The following NUCB1 variants were observed in gnomAD, a reference collection of about 807,000 sequenced individuals.
The protein encoded by NUCB1 is nucleobindin-1.
In NUCB1, 47 loss-of-function variants were observed where a neutral mutation model predicts 61.2. The observed-to-expected ratio is 0.77, with a 90% confidence interval of 0.61 to 0.98. The LOEUF is 0.98. Among genes scored for constraint, NUCB1 ranks in the 50% least tolerant of loss-of-function variants. The pLI is 0.00. For synonymous variants in NUCB1, 234 were observed against 243.1 expected, an observed-to-expected ratio of 0.96 and a Z score of 0.35; for missense variants, 583 against 605.3, an observed-to-expected ratio of 0.96 and a Z score of 0.39.
At chr19:48,911,830 G>T (rs368523646) in intron 5 of NUCB1, among the ~76,000 whole-genome samples, 2 of 151,876 alleles carry the variant, frequency 1.3e-5, no homozygotes, top group South Asian at 4.2e-4. Context: ...TTGGGAGTGT[G>T]GGGGGAGTAT....
At chr19:48,901,159 GT>G (rs1417454156) in intron 2 of NUCB1, 4 of 612,438 alleles carry the variant, frequency 6.5e-6, no homozygotes, top group Admixed American at 3.0e-5. Context: ...CTAAACGTCT[GT>G]TTTTTTAAGA....
At chr19:48,902,051 G>A (rs1433350383) in intron 2 of NUCB1, among the ~76,000 whole-genome samples, 1 of 152,198 alleles carries the variant, frequency 6.6e-6, no homozygotes, top group African/African-American at 2.4e-5. Context: ...CTGGGAGATG[G>A]AAGACAAAGG....
At chr19:48,921,098 A>C in intron 10 of NUCB1, 56 bp from the exon 11 acceptor site, 1 of 1,537,126 alleles carries the variant, frequency 6.5e-7, no homozygotes, top group South Asian at 1.2e-5. Context: ...CCTCTCCAAC[A>C]TGGGTGGGCC....
At chr19:48,905,997 C>A in intron 4 of NUCB1, 112 bp downstream of exon 4, 1 of 1,115,160 alleles carries the variant, frequency 9.0e-7, no homozygotes, top group Non-Finnish European at 1.3e-6. Flanking sequence ...CTCCCCGCTG[C>A]GAAATGTGCT....
intron 1 of NUCB1, 147 bp downstream of exon 1, chr19:48,900,519 C>G (rs1296892236): frequency 3.7e-6 from 2 of 536,632 alleles, no homozygotes; most frequent in Non-Finnish European, 3.3e-6. Context: ...ACTCTTGGGT[C>G]TGGGGGAGGA....
intron 5 of NUCB1, 135 bp from the exon 6 acceptor site, chr19:48,912,876 A>C: frequency 6.5e-6 from 3 of 462,664 alleles, no homozygotes; most frequent in East Asian, 3.6e-5. Flanking sequence ...ACATTAGGAC[A>C]CGAGACGTAA....
chr19:48,910,216 A>G (rs2037456671), intron 4 of NUCB1, among the ~76,000 whole-genome samples: 1 of 151,834 alleles, frequency 6.6e-6, no homozygotes, highest in Non-Finnish European at 1.5e-5. Flanking sequence ...AGCTGGGGCT[A>G]CAGGTGCGCA....
At chr19:48,914,637 C>T (rs975856638) in intron 7 of NUCB1, among the ~76,000 whole-genome samples, 6 of 152,106 alleles carry the variant, frequency 3.9e-5, no homozygotes, top group African/African-American at 1.2e-4. Context: ...ATTAAATTAA[C>T]GTACCATTGA....
intron 4 of NUCB1, among the ~76,000 whole-genome samples, chr19:48,908,662 TGTG>T (rs1568584809): frequency 7.0e-6 from 1 of 142,926 alleles, no homozygotes; most frequent in African/African-American, 2.6e-5. Flanking sequence ...TGTGTGTGTG[TGTG>T]TGTGTGTGTG....
chr19:48,901,010 C>T (rs762932566), intron 2 of NUCB1, 79 bp downstream of exon 2: 4 of 1,551,178 alleles, frequency 2.6e-6, no homozygotes, highest in East Asian at 2.3e-5. Context: ...GCCCGTAGGG[C>T]GGATGCTCCA....
intron 4 of NUCB1, 76 bp downstream of exon 4, chr19:48,905,961 TTG>T: frequency 2.1e-6 from 3 of 1,425,340 alleles, no homozygotes; most frequent in Non-Finnish European, 2.9e-6. Flanking sequence ...CTCCAGGTGG[TTG>T]TGTGCTAGGC....
chr19:48,905,909 GACAGGCA>G, intron 4 of NUCB1, 24 bp downstream of exon 4: 2 of 496,802 alleles, frequency 4.0e-6, no homozygotes, highest in Non-Finnish European at 7.9e-6. Context: ...GGGCGGGAGG[GACAGGCA>G]GGGAGGGGTG....
intron 7 of NUCB1, among the ~76,000 whole-genome samples, chr19:48,914,476 A>G (rs1002953547): frequency 6.6e-6 from 1 of 152,110 alleles, no homozygotes; most frequent in African/African-American, 2.4e-5. Flanking sequence ...CTAAGGACCA[A>G]GCTTTGTCAA....
chr19:48,904,319 G>C lies in NUCB1; in HGVS notation c.136-28G>C, dbSNP rs370211574. 4.7e-5 allele frequency: 68 copies of C among 1,460,558 alleles called. No individual in the cohort carries two copies. The Admixed American group carries it at 4.9e-4, about 10-fold the overall frequency. 90.5% of individuals were successfully genotyped at this position (1,460,558 alleles called of 1,614,324 possible). On this transcript the variant is annotated intron_variant, in intron 2 of 12. Coordinates refer to ENST00000405315, the MANE Select transcript of NUCB1 (RefSeq NM_006184.6). ...GGTGGGGATGGGGATGGGAGCAGGGGCTGCTATGTCTGTCCTTGTTGCCTC... is the reference window on the plus strand; with the variant it reads ...GGTGGGGATGGGGATGGGAGCAGGGCCTGCTATGTCTGTCCTTGTTGCCTC...
intron 2 of NUCB1, 29 bp downstream of exon 2, chr19:48,900,960 A>C (rs2037348142): frequency 6.2e-7 from 1 of 1,613,424 alleles, no homozygotes; most frequent in African/African-American, 1.3e-5. Flanking sequence ...CTATCCAGCC[A>C]GGTGTTTGCA....
rs189369040 is a variant in NUCB1 at position 48,908,604 on chromosome 19, G to A, written c.377-2545G>A. ...ACTCCTCTGGGCTCAGCCAGGGCCG[G>A]AGCTGCCTCCACTGCAGCCTAGGTC... On this transcript the variant is annotated intron_variant, in intron 4 of 12. Coordinates refer to ENST00000405315, the MANE Select transcript of NUCB1 (RefSeq NM_006184.6). Among the ~76,000 whole-genome samples the A allele has an allele frequency of 2.9e-3, 438 of 151,466 alleles. 1 individual carries two copies. Among genetic ancestry groups the A allele is most frequent in the African/African-American group, 9.9e-3 (409 of 41,184 alleles).
rs546856933 is a variant in NUCB1, at chr19:48,918,337, C to G, written c.758-389C>G. 31 of 187,046 alleles carry G rather than the reference C, an allele frequency of 1.7e-4. No homozygotes were observed. In the Middle Eastern group the frequency reaches 7.5e-3, roughly 45 times the overall value. 11.6% of individuals were successfully genotyped at this position (187,046 alleles called of 1,614,324 possible). A position where few individuals can be genotyped will look rare whatever the true frequency, so the allele number is the denominator to read the frequency against. On this transcript the variant is annotated intron_variant, in intron 7 of 12. Coordinates refer to ENST00000405315, the MANE Select transcript of NUCB1 (RefSeq NM_006184.6). ...TGAAGCCCTGCAGCTGTGGGGTCTA[C>G]GTTGGTAGGAGAGGCTCCCCTCACA...
chr19:48,904,523 G>GT (rs2037391623), intron 3 of NUCB1, 69 bp downstream of exon 3: 26 of 904,116 alleles, frequency 2.9e-5, no homozygotes, highest in South Asian at 1.2e-4. Flanking sequence ...GGGAGGACTG[G>GT]TTTCTTTTTT....
intron 4 of NUCB1, among the ~76,000 whole-genome samples, chr19:48,908,388 C>T (rs1303415979): frequency 6.6e-6 from 1 of 152,148 alleles, no homozygotes; most frequent in Non-Finnish European, 1.5e-5. Context: ...CCTCAGCCTC[C>T]CAAATTGCTG....
Sources: allele counts gnomAD v4.1 joint callset (sites outside exome capture counted in the v4.1 genomes callset), GRCh38; gene constraint gnomAD v4.1.1; transcripts MANE v1.5; gene names NCBI Gene and HGNC (gene_info 2026-07-23, HGNC 2026-07-21).